Variants in PTPRN2 observed in about 807,000 individuals in gnomAD.
PTPRN2 encodes the protein receptor-type tyrosine-protein phosphatase N2.
A neutral mutation model predicts 118.8 loss-of-function variants in PTPRN2; 74 were observed. The observed-to-expected ratio is 0.62, with a 90% CI of 0.52 to 0.76. PTPRN2 has a LOEUF of 0.76. Among genes scored for constraint, PTPRN2 ranks in the 30% least tolerant of loss-of-function variants. The probability of loss-of-function intolerance (pLI) is 0.00; values close to 1 mark genes in which losing one functional copy is unlikely to be tolerated. For missense variants in PTPRN2, 1,481 were observed against 1,394.4 expected, an observed-to-expected ratio of 1.06 and a Z score of -0.99; for synonymous variants, 641 against 608.0, an observed-to-expected ratio of 1.05 and a Z score of -0.80.
intron 11 of PTPRN2, among the ~76,000 whole-genome samples, chr7:158,014,381 G>A (rs1010906299): frequency 1.4e-5 from 2 of 148,020 alleles, no homozygotes; most frequent in East Asian, 4.2e-4. Flanking sequence ...CACTTTACCT[G>A]TTTGTTCGTC....
Position 158,283,909 on chromosome 7 carries a change from C to T in PTPRN2, c.277+32910G>A, listed in dbSNP as rs557783774. On this transcript the variant is annotated intron_variant, in intron 3 of 22. Transcript: ENST00000389418. The stretch of plus-strand genomic sequence containing the variant: ...TCGCCACCTCACAGAGAAGCAAACC[C>T]AAAGGCAGCCAGCGTAGGAGCCTTT... Among the ~76,000 whole-genome samples, 10 of 152,304 alleles carry T rather than the reference C, an allele frequency of 6.6e-5. No individual in the cohort carries two copies. In the South Asian group the frequency reaches 2.1e-3, roughly 32 times the overall value.
intron 3 of PTPRN2, among the ~76,000 whole-genome samples, chr7:158,213,104 A>G (rs1407727032): frequency 6.6e-5 from 10 of 152,176 alleles, no homozygotes; most frequent in Non-Finnish European, 1.0e-4. Flanking sequence ...GCAATTATCC[A>G]TAATTATCTA....
At chr7:157,776,094 C>T (rs1243984657) in intron 12 of PTPRN2, among the ~76,000 whole-genome samples, 1 of 150,606 alleles carries the variant, frequency 6.6e-6, no homozygotes, top group South Asian at 2.1e-4. Flanking sequence ...CCTCCCTCCT[C>T]TCCACCTCCT....
At chr7:157,765,438 T>A (rs375566533) in intron 12 of PTPRN2, among the ~76,000 whole-genome samples, 1 of 148,704 alleles carries the variant, frequency 6.7e-6, no homozygotes, top group Admixed American at 6.7e-5. Context: ...TCTTCCTCCA[T>A]CTGTCCACCC....
At chr7:158,034,198 C>T (rs149626279) in intron 11 of PTPRN2, among the ~76,000 whole-genome samples, 12,675 of 136,416 alleles carry the variant, frequency 0.093, 815 homozygotes, top group African/African-American at 0.21. Context: ...CAATGCTCTG[C>T]GTGTGGCTGG....
chr7:158,293,662 CAT>C (rs1800264997), intron 3 of PTPRN2, among the ~76,000 whole-genome samples: 1 of 152,056 alleles, frequency 6.6e-6, no homozygotes, highest in Non-Finnish European at 1.5e-5. Flanking sequence ...AAAACAAACA[CAT>C]AGTACAGCAG....
chr7:157,562,758 C>CCA (rs1340862747), intron 21 of PTPRN2, among the ~76,000 whole-genome samples: 1 of 149,350 alleles, frequency 6.7e-6, no homozygotes, highest in African/African-American at 2.5e-5. Flanking sequence ...TCCCGCGTCA[C>CCA]CACACACAGC....
intron 10 of PTPRN2, among the ~76,000 whole-genome samples, chr7:158,107,084 G>A (rs1815749078): frequency 6.6e-6 from 1 of 152,094 alleles, no homozygotes; most frequent in South Asian, 2.1e-4. Flanking sequence ...ATGCACACTT[G>A]TCTCTGTTCT....
intron 11 of PTPRN2, among the ~76,000 whole-genome samples, chr7:158,052,245 A>G (rs551685660): frequency 6.6e-6 from 1 of 152,376 alleles, no homozygotes; most frequent in Admixed American, 6.5e-5. Flanking sequence ...CTCCATCATA[A>G]GTGATCGCCT....
chr7:158,020,956 A>G (rs1806832971), intron 11 of PTPRN2, among the ~76,000 whole-genome samples: 2 of 152,338 alleles, frequency 1.3e-5, no homozygotes, highest in East Asian at 1.9e-4. Flanking sequence ...CTAGACGGAC[A>G]TCGGGTCAGA....
At chr7:158,127,103 C>T (rs540008192) in intron 9 of PTPRN2, among the ~76,000 whole-genome samples, 70 of 152,318 alleles carry the variant, frequency 4.6e-4, no homozygotes, top group African/African-American at 1.6e-3. Flanking sequence ...TGAGAGGCAT[C>T]GGAGAGGTCA....
At chr7:158,108,253 T>G (rs571471809) in intron 10 of PTPRN2, among the ~76,000 whole-genome samples, 1 of 148,822 alleles carries the variant, frequency 6.7e-6, no homozygotes, top group South Asian at 2.2e-4. Flanking sequence ...GCCCCACAAA[T>G]AGCCCCCCCT....
At chr7:158,189,948 T>C (rs946061233) in intron 5 of PTPRN2, among the ~76,000 whole-genome samples, 9 of 152,252 alleles carry the variant, frequency 5.9e-5, no homozygotes, top group African/African-American at 2.2e-4. Flanking sequence ...TGCTGAGACC[T>C]GCTCTGTGGT....
intron 2 of PTPRN2, among the ~76,000 whole-genome samples, chr7:158,332,628 C>T (rs1804722606): frequency 1.3e-5 from 2 of 151,074 alleles, no homozygotes; most frequent in Non-Finnish European, 2.9e-5. Flanking sequence ...ATGTCACTCA[C>T]ACCCACACTG....
At chr7:158,303,734 C>G (rs62479655) in intron 3 of PTPRN2, among the ~76,000 whole-genome samples, 20,816 of 152,264 alleles carry the variant, frequency 0.14, 1,888 homozygotes, top group East Asian at 0.25. Flanking sequence ...TGATGGCAGG[C>G]CTCATATGAG....
At chr7:157,847,157 C>T (rs1381913656) in intron 12 of PTPRN2, among the ~76,000 whole-genome samples, 1 of 133,032 alleles carries the variant, frequency 7.5e-6, no homozygotes, top group African/African-American at 2.9e-5. Context: ...CATGCGTGCC[C>T]GATGTCGACA....
chr7:158,531,400 G>T (rs1825222532), intron 1 of PTPRN2, among the ~76,000 whole-genome samples: 1 of 152,194 alleles, frequency 6.6e-6, no homozygotes. Context: ...CCACAGGAAG[G>T]CCCCAACCCC....
At chr7:158,539,006 G>C (rs8180861) in intron 1 of PTPRN2, among the ~76,000 whole-genome samples, 26,913 of 152,090 alleles carry the variant, frequency 0.18, 3,119 homozygotes, top group East Asian at 0.42. Context: ...AAAATGGAGG[G>C]GTTTCCCTTC....
chr7:157,769,753 C>T (rs1802689732), intron 12 of PTPRN2, among the ~76,000 whole-genome samples: 1 of 152,216 alleles, frequency 6.6e-6, no homozygotes, highest in Non-Finnish European at 1.5e-5. Flanking sequence ...CGCGTTCCTG[C>T]CTCCCACTCC....
Sources: allele counts gnomAD v4.1 joint callset (sites outside exome capture counted in the v4.1 genomes callset), GRCh38; gene constraint gnomAD v4.1.1; transcripts MANE v1.5; gene names NCBI Gene and HGNC (gene_info 2026-07-23, HGNC 2026-07-21).